Variants in PSME4 observed in about 807,000 individuals in gnomAD.
PSME4 encodes proteasome activator subunit 4.
Under a neutral mutation model 253.9 loss-of-function variants are expected in PSME4, and 89 were observed. The ratio of observed to expected loss-of-function variants is 0.35; its 90% CI spans 0.30 to 0.42. PSME4 has a LOEUF of 0.42. PSME4 is among the 10% of genes least tolerant of loss of function. The pLI is 1.00. For synonymous variants in PSME4, 851 were observed against 759.2 expected (o/e 1.12, Z -1.99); for missense variants, 2,014 against 2,195.2 (o/e 0.92, Z 1.65).
chr2:53,924,907 T>C (rs1349152343), intron 14 of PSME4, among the ~76,000 whole-genome samples: 1 of 152,260 alleles, frequency 6.6e-6, no homozygotes, highest in South Asian at 2.1e-4. Context: ...GACAACATTT[T>C]CATCAACTGA....
At chr2:53,942,738 G>A (rs910041140) in intron 3 of PSME4, among the ~76,000 whole-genome samples, 1 of 152,028 alleles carries the variant, frequency 6.6e-6, no homozygotes, top group Non-Finnish European at 1.5e-5. Flanking sequence ...ATTTCCTTAA[G>A]AATTAAACTT....
chr2:53,920,161 C>A (rs369214954), intron 19 of PSME4, 32 bp downstream of exon 19: 15 of 1,547,068 alleles, frequency 9.7e-6, no homozygotes, highest in Non-Finnish European at 1.2e-5. Flanking sequence ...TAGTCTGCAA[C>A]TGAATAACTC....
In PSME4 at chr2:53,901,563, C is replaced by A; in HGVS notation, c.3076-4G>T. On this transcript the variant is annotated splice_region_variant and splice_polypyrimidine_tract_variant and intron_variant, in intron 27 of 46. Transcript: ENST00000404125. ...CAAGGAGACAGTACAAGGCACCCTG[C>A]AGAAAAAAAAATATATATATGTTTA... 12 of 1,579,360 alleles carry A rather than the reference C, an allele frequency of 7.6e-6. No homozygotes were observed. Among genetic ancestry groups the A allele is most frequent in the Middle Eastern group, 1.7e-4 (1 of 5,812 alleles).
intron 20 of PSME4, 139 bp from the exon 21 acceptor site, chr2:53,910,269 G>A: frequency 2.9e-6 from 2 of 684,072 alleles, no homozygotes; most frequent in South Asian, 1.8e-5. Flanking sequence ...ATCTTCAATG[G>A]GAAAAATCAA....
intron 20 of PSME4, among the ~76,000 whole-genome samples, chr2:53,917,778 G>A (rs560049084): frequency 6.6e-6 from 1 of 152,240 alleles, no homozygotes; most frequent in South Asian, 2.1e-4. Context: ...AAGATCATAG[G>A]TGAAAATCGA....
chr2:53,958,010 AC>A (rs1266221647), intron 1 of PSME4, among the ~76,000 whole-genome samples: 1 of 151,992 alleles, frequency 6.6e-6, no homozygotes, highest in Non-Finnish European at 1.5e-5. Context: ...ACACAGAGAA[AC>A]CCTGTCTCTA....
Position 53,869,368 on chromosome 2 carries a change from AATGT to A in PSME4, c.5263+4_5263+7del. On this transcript the variant is annotated splice_donor_5th_base_variant and intron_variant, in intron 44 of 46. Transcript: ENST00000404125. ...TAGGATACAGGTGTTTCCTACCAGC[AATGT>A]TACCTGCAGAAGGAATGGTATCTCC... 6.3e-7 allele frequency: 1 copy of A among 1,595,892 alleles called. No individual in the cohort carries two copies. The highest frequency in any genetic ancestry group is 8.6e-7 in the Non-Finnish European group (1 of 1,166,178).
At chr2:53,894,298 G>T (rs1191134974) in intron 34 of PSME4, among the ~76,000 whole-genome samples, 2 of 152,018 alleles carry the variant, frequency 1.3e-5, no homozygotes, top group African/African-American at 4.8e-5. Flanking sequence ...TTGGGACAGG[G>T]TCTCACTCTG....
At chr2:53,921,254 T>C (rs953347475) in intron 17 of PSME4, 150 bp from the exon 18 acceptor site, 7 of 1,223,056 alleles carry the variant, frequency 5.7e-6, no homozygotes, top group East Asian at 2.5e-5. Flanking sequence ...TGCATTCTAA[T>C]AATTAATTGT....
chr2:53,871,128 T>A (rs1012448800), intron 43 of PSME4, among the ~76,000 whole-genome samples: 4 of 152,226 alleles, frequency 2.6e-5, no homozygotes, highest in African/African-American at 9.6e-5. Flanking sequence ...ACATTTTTGT[T>A]TTGTGAAGGG....
chr2:53,887,555 C>G, intron 39 of PSME4, 88 bp from the exon 40 acceptor site: 2 of 1,220,302 alleles, frequency 1.6e-6, no homozygotes, highest in Non-Finnish European at 2.3e-6. Flanking sequence ...TCAAAGTAAA[C>G]TGTCCCAAGA....
intron 41 of PSME4, among the ~76,000 whole-genome samples, chr2:53,877,623 A>G (rs1679197607): frequency 1.3e-5 from 2 of 152,176 alleles, no homozygotes; most frequent in Admixed American, 1.3e-4. Flanking sequence ...AAAAGGTAGA[A>G]TAGGGTGATC....
chr2:53,935,370 A>G (rs1669053515), intron 7 of PSME4, among the ~76,000 whole-genome samples: 1 of 152,180 alleles, frequency 6.6e-6, no homozygotes, highest in Non-Finnish European at 1.5e-5. Flanking sequence ...AGCAAAAGCA[A>G]ACAGAGCATC....
At position 53,893,762 on chromosome 2, in the gene PSME4, T is replaced by A. The variant is rs1680018518; in HGVS notation, c.3950A>T (p.Lys1317Ile). The change falls in exon 35 of 47, where the codon AAA becomes ATA. Residue 1317 changes from lysine to isoleucine, a missense_variant. Coordinates refer to ENST00000404125, the MANE Select transcript of PSME4 (RefSeq NM_014614.3). ...AAAAGTAATTAACTGCTCAACAAAT[T>A]TAGGATCAGAAAAATGATCAAATAT... is the stretch of plus-strand genomic sequence containing the variant. ...QIIFDHFSDP[K>I]FVEQLITFLS... The A allele has an allele frequency of 6.2e-7, 1 of 1,610,448 alleles. No homozygotes were observed. Among genetic ancestry groups the A allele is most frequent in the South Asian group, 1.1e-5 (1 of 90,642 alleles).
intron 3 of PSME4, among the ~76,000 whole-genome samples, chr2:53,943,281 A>G (rs1417608336): frequency 6.6e-6 from 1 of 152,208 alleles, no homozygotes; most frequent in Non-Finnish European, 1.5e-5. Context: ...TATTCTGTAT[A>G]TATCTGCCTT....
At chr2:53,893,326 C>T (rs994484934) in intron 35 of PSME4, among the ~76,000 whole-genome samples, 1 of 152,000 alleles carries the variant, frequency 6.6e-6, no homozygotes, top group Admixed American at 6.6e-5. Flanking sequence ...GTTTCAAGAT[C>T]CCCACCCCAA....
chr2:53,964,339 G>GA (rs1278646099), intron 1 of PSME4, among the ~76,000 whole-genome samples: 4 of 152,010 alleles, frequency 2.6e-5, no homozygotes, highest in African/African-American at 9.7e-5. Flanking sequence ...TAAAATTTTT[G>GA]AAAAAATCAA....
chr2:53,927,366 C>A (rs768279740), intron 12 of PSME4, 28 bp downstream of exon 12: 3 of 1,419,766 alleles, frequency 2.1e-6, no homozygotes, highest in South Asian at 1.2e-5. Context: ...AACATCTTAG[C>A]CCTTTTATAA....
chr2:53,927,950 A>AAAAT (rs988027256), intron 11 of PSME4, among the ~76,000 whole-genome samples, 167 bp downstream of exon 11: 1 of 152,206 alleles, frequency 6.6e-6, no homozygotes, highest in African/African-American at 2.4e-5. Context: ...ACTCCGTCTC[A>AAAAT]AAATAAATAA....
Sources: gnomAD v4.1 joint callset for allele counts (sites outside exome capture counted in the v4.1 genomes callset) on GRCh38, gnomAD v4.1.1 for gene constraint, MANE v1.5 for transcripts, NCBI Gene and HGNC (gene_info 2026-07-23, HGNC 2026-07-21) for gene names.